The following ZNF804A variants were observed in gnomAD, a reference collection of about 807,000 sequenced individuals.
The protein encoded by ZNF804A is zinc finger protein 804A.
A neutral mutation model predicts 16.5 loss-of-function variants in ZNF804A; 2 were observed. That is an observed-to-expected ratio of 0.12 (90% CI 0.05 to 0.38). The LOEUF (loss-of-function observed/expected upper bound fraction) is 0.38. Among genes scored for constraint, ZNF804A ranks in the 10% least tolerant of loss-of-function variants. The pLI is 0.99. For missense variants in ZNF804A, 1,473 were observed against 1,390.7 expected (o/e 1.06, Z -0.94); for synonymous variants, 534 against 489.6 (o/e 1.09, Z -1.20).
At chr2:184,732,154 G>C (rs1339563672) in intron 1 of ZNF804A, among the ~76,000 whole-genome samples, 1 of 151,596 alleles carries the variant, frequency 6.6e-6, no homozygotes, top group African/African-American at 2.4e-5. Context: ...TTCTTTCTAT[G>C]TTATCTTCTA....
At chr2:184,769,642 C>A (rs1694182568) in intron 1 of ZNF804A, among the ~76,000 whole-genome samples, 3 of 152,050 alleles carry the variant, frequency 2.0e-5, no homozygotes. Context: ...GAGACATTAG[C>A]ATCCCAATCC....
intron 1 of ZNF804A, among the ~76,000 whole-genome samples, chr2:184,741,294 C>T (rs773098176): frequency 6.6e-6 from 1 of 152,176 alleles, no homozygotes; most frequent in African/African-American, 2.4e-5. Context: ...CTGAAGCTCT[C>T]AGTTGTTCTC....
intron 1 of ZNF804A, among the ~76,000 whole-genome samples, chr2:184,773,189 CAG>C (rs1694243135): frequency 6.6e-6 from 1 of 151,086 alleles, no homozygotes; most frequent in Admixed American, 6.6e-5. Flanking sequence ...TTAAAAAAAA[CAG>C]AGAAATAGAA....
intron 1 of ZNF804A, among the ~76,000 whole-genome samples, chr2:184,670,080 C>G (rs961132034): frequency 2.8e-4 from 42 of 152,108 alleles, no homozygotes; most frequent in Non-Finnish European, 1.5e-5. Context: ...TTTTGTGAAG[C>G]ATTTTGAAGA....
chr2:184,656,922 A>G (rs931839355), intron 1 of ZNF804A, among the ~76,000 whole-genome samples: 28 of 152,152 alleles, frequency 1.8e-4, no homozygotes, highest in Admixed American at 1.3e-4. Flanking sequence ...CTGCCAGGTA[A>G]TGTATCTGAG....
At chr2:184,741,433 C>T (rs1275464745) in intron 1 of ZNF804A, among the ~76,000 whole-genome samples, 6 of 152,156 alleles carry the variant, frequency 3.9e-5, no homozygotes, top group Admixed American at 3.9e-4. Flanking sequence ...GATTCATCAA[C>T]ACATTTAATT....
chr2:184,683,843 C>T (rs1209129742), intron 1 of ZNF804A, among the ~76,000 whole-genome samples: 2 of 152,050 alleles, frequency 1.3e-5, no homozygotes, highest in Non-Finnish European at 2.9e-5. Flanking sequence ...ATAATGTCAG[C>T]TTTCTTATCA....
At chr2:184,670,881 T>A (rs1275540959) in intron 1 of ZNF804A, among the ~76,000 whole-genome samples, 1 of 152,122 alleles carries the variant, frequency 6.6e-6, no homozygotes, top group Non-Finnish European at 1.5e-5. Flanking sequence ...ATTTGCCCTC[T>A]CTCTTCCCAG....
intron 2 of ZNF804A, among the ~76,000 whole-genome samples, chr2:184,919,589 A>G (rs930800468): frequency 5.3e-5 from 8 of 152,156 alleles, no homozygotes; most frequent in Admixed American, 4.6e-4. Flanking sequence ...TTTTTCTCCC[A>G]TTCACAGAAG....
At chr2:184,623,123 T>A (rs1379086973) in intron 1 of ZNF804A, among the ~76,000 whole-genome samples, 1 of 152,106 alleles carries the variant, frequency 6.6e-6, no homozygotes, top group African/African-American at 2.4e-5. Context: ...TGTCTGAATA[T>A]TATCAGCCGT....
In ZNF804A at chr2:184,827,182, A is replaced by G. The variant is rs764323146; in HGVS notation, c.112-39187A>G. 5.3e-5 allele frequency among the ~76,000 whole-genome samples: 8 copies of G among 151,786 alleles called. No individual in the cohort carries two copies. The East Asian group carries it at 1.5e-3, about 29-fold the overall frequency. Reference sequence around the variant, plus strand: ...TAACTAAGTGTGAATAATTAATTTTATTAAACTATGGACAATTAGTTGATC... The same window carrying G: ...TAACTAAGTGTGAATAATTAATTTTGTTAAACTATGGACAATTAGTTGATC... On this transcript the variant is annotated intron_variant, in intron 1 of 3. Coordinates refer to ENST00000302277, the MANE Select transcript of ZNF804A (RefSeq NM_194250.2).
chr2:184,853,970 G>T (rs1448203756), intron 1 of ZNF804A, among the ~76,000 whole-genome samples: 2 of 151,412 alleles, frequency 1.3e-5, no homozygotes, highest in Non-Finnish European at 1.5e-5. Context: ...CAACTTTTTG[G>T]GAGAGTTTGA....
At chr2:184,660,728 A>G (rs1255972182) in intron 1 of ZNF804A, among the ~76,000 whole-genome samples, 2 of 152,264 alleles carry the variant, frequency 1.3e-5, no homozygotes, top group Non-Finnish European at 2.9e-5. Flanking sequence ...TGAAGGAGGA[A>G]TTGCTACACT....
chr2:184,706,263 A>G (rs1278863727), intron 1 of ZNF804A, among the ~76,000 whole-genome samples: 9 of 152,180 alleles, frequency 5.9e-5, no homozygotes, highest in Admixed American at 4.6e-4. Context: ...TGTCTCAGAA[A>G]GAGGCTGTAG....
chr2:184,810,681 G>C (rs1194393769), intron 1 of ZNF804A, among the ~76,000 whole-genome samples: 2 of 151,804 alleles, frequency 1.3e-5, no homozygotes, highest in South Asian at 4.2e-4. Flanking sequence ...TAGTAGAAAC[G>C]GGGTTTCACC....
chr2:184,804,439 T>C (rs1413742431), intron 1 of ZNF804A, among the ~76,000 whole-genome samples: 1 of 152,204 alleles, frequency 6.6e-6, no homozygotes, highest in Non-Finnish European at 1.5e-5. Flanking sequence ...ATCTGGTCTC[T>C]GCATAAGCAG....
chr2:184,765,980 A>T (rs1476231983), intron 1 of ZNF804A, among the ~76,000 whole-genome samples: 2 of 152,140 alleles, frequency 1.3e-5, no homozygotes, highest in Admixed American at 1.3e-4. Context: ...CCGTCATGTT[A>T]TTTGGTTAGA....
At chr2:184,820,100 C>A (rs183422931) in intron 1 of ZNF804A, among the ~76,000 whole-genome samples, 1 of 151,948 alleles carries the variant, frequency 6.6e-6, no homozygotes, top group Non-Finnish European at 1.5e-5. Flanking sequence ...TAAAACCTGG[C>A]AGATATACAA....
intron 1 of ZNF804A, among the ~76,000 whole-genome samples, chr2:184,672,390 A>G (rs1264278712): frequency 1.3e-5 from 2 of 152,206 alleles, no homozygotes; most frequent in Admixed American, 1.3e-4. Flanking sequence ...GGCTATTTCT[A>G]TAATATCCTT....
Sources: allele counts gnomAD v4.1 joint callset (sites outside exome capture counted in the v4.1 genomes callset), GRCh38; gene constraint gnomAD v4.1.1; transcripts MANE v1.5; gene names NCBI Gene and HGNC (gene_info 2026-07-23, HGNC 2026-07-21).